The following PTPRM variants were observed in gnomAD, a reference collection of about 807,000 sequenced individuals.
PTPRM encodes the protein protein tyrosine phosphatase receptor type M, also known as receptor-type tyrosine-protein phosphatase mu.
A neutral mutation model predicts 186.7 loss-of-function variants in PTPRM; 47 were observed. The ratio of observed to expected loss-of-function variants is 0.25; its 90% CI spans 0.20 to 0.32. The LOEUF is 0.32. PTPRM is among the 10% of genes least tolerant of loss of function. PTPRM has a pLI of 1.00. For missense variants in PTPRM, 1,494 were observed against 1,865.0 expected, an observed-to-expected ratio of 0.80 and a Z score of 3.66; for synonymous variants, 668 against 674.9, an observed-to-expected ratio of 0.99 and a Z score of 0.16.
intron 7 of PTPRM, among the ~76,000 whole-genome samples, chr18:8,008,164 C>A (rs1198164583): frequency 6.6e-6 from 1 of 152,164 alleles, no homozygotes; most frequent in Non-Finnish European, 1.5e-5. Flanking sequence ...CCTGTGTAAT[C>A]AGATGCTAAT....
intron 31 of PTPRM, among the ~76,000 whole-genome samples, chr18:8,391,294 G>GA (rs1412945896): frequency 1.3e-5 from 2 of 152,180 alleles, no homozygotes; most frequent in African/African-American, 2.4e-5. Context: ...TCTACCAAAA[G>GA]ATAAGCTTAT....
intron 19 of PTPRM, among the ~76,000 whole-genome samples, chr18:8,277,189 G>A (rs1023083233): frequency 6.6e-6 from 1 of 151,936 alleles, no homozygotes; most frequent in Non-Finnish European, 1.5e-5. Context: ...CACCCATCTT[G>A]GCCTCCCAAA....
intron 9 of PTPRM, among the ~76,000 whole-genome samples, chr18:8,080,310 A>G (rs941684039): frequency 2.6e-5 from 4 of 152,204 alleles, no homozygotes; most frequent in Admixed American, 6.6e-5. Context: ...AACTTTACAT[A>G]TCTCTAGTGA....
chr18:8,261,257 G>T (rs866945655), intron 19 of PTPRM, among the ~76,000 whole-genome samples: 6 of 152,192 alleles, frequency 3.9e-5, no homozygotes, highest in South Asian at 2.1e-4. Flanking sequence ...GGAGCTGGGG[G>T]TGGGGAGGCA....
intron 2 of PTPRM, among the ~76,000 whole-genome samples, chr18:7,849,247 A>G (rs934460809): frequency 3.3e-5 from 5 of 152,196 alleles, no homozygotes; most frequent in African/African-American, 1.2e-4. Flanking sequence ...AAATGTCTCA[A>G]GTTTCATTGG....
intron 19 of PTPRM, among the ~76,000 whole-genome samples, chr18:8,272,262 T>G (rs1265151708): frequency 6.6e-6 from 1 of 151,604 alleles, no homozygotes; most frequent in African/African-American, 2.4e-5. Flanking sequence ...ATAGCTTTTG[T>G]GTTTGTTGAT....
chr18:7,748,899 A>C (rs1440531885), intron 1 of PTPRM, among the ~76,000 whole-genome samples: 1 of 152,192 alleles, frequency 6.6e-6, no homozygotes, highest in East Asian at 1.9e-4. Flanking sequence ...TGTTGACTAC[A>C]TGTCCTGAAA....
rs189021457 is a variant in PTPRM at position 7,894,574 on chromosome 18, A to C, written c.468+6197A>C. On this transcript the variant is annotated intron_variant, in intron 3 of 32. Transcript: ENST00000580170. ...GCACTCCAGCCTAGGGGGCAGAGCAAGACTCCGTCTCAGGAAAAATATATA... is the reference window on the plus strand; with the variant it reads ...GCACTCCAGCCTAGGGGGCAGAGCACGACTCCGTCTCAGGAAAAATATATA... 4.8e-3 allele frequency among the ~76,000 whole-genome samples: 733 copies of C among 152,160 alleles called. 4 individuals carry two copies. The highest frequency in any genetic ancestry group is 6.3e-3 in the Admixed American group (97 of 15,286).
chr18:7,982,378 G>A (rs1274292268), intron 7 of PTPRM, among the ~76,000 whole-genome samples: 3 of 149,700 alleles, frequency 2.0e-5, no homozygotes, highest in Non-Finnish European at 1.5e-5. Context: ...ATCACTGATA[G>A]CACTGGCCCC....
At chr18:8,334,687 G>A (rs2095429217) in intron 22 of PTPRM, among the ~76,000 whole-genome samples, 1 of 152,152 alleles carries the variant, frequency 6.6e-6, no homozygotes, top group African/African-American at 2.4e-5. Context: ...CCATCTTTTT[G>A]TTCACTGTTC....
At chr18:7,715,533 AG>A (rs1483888226) in intron 1 of PTPRM, among the ~76,000 whole-genome samples, 2 of 152,184 alleles carry the variant, frequency 1.3e-5, no homozygotes, top group Non-Finnish European at 2.9e-5. Flanking sequence ...AAAGAAATAA[AG>A]GGTATTCAAA....
intron 2 of PTPRM, among the ~76,000 whole-genome samples, chr18:7,867,898 T>G (rs1213567663): frequency 6.6e-6 from 1 of 152,226 alleles, no homozygotes; most frequent in Non-Finnish European, 1.5e-5. Flanking sequence ...TTGTTCCTTT[T>G]CATTGCTTTT....
intron 2 of PTPRM, among the ~76,000 whole-genome samples, chr18:7,810,809 A>G (rs1292003395): frequency 2.0e-5 from 3 of 152,216 alleles, no homozygotes; most frequent in Non-Finnish European, 4.4e-5. Context: ...GTTATTCTCC[A>G]TAGCATTATT....
intron 5 of PTPRM, among the ~76,000 whole-genome samples, chr18:7,936,773 C>T (rs2051842955): frequency 6.6e-6 from 1 of 152,152 alleles, no homozygotes; most frequent in Non-Finnish European, 1.5e-5. Flanking sequence ...CCACCCATGG[C>T]CACCCATGAA....
chr18:8,191,654 G>A (rs1025297098), intron 14 of PTPRM, among the ~76,000 whole-genome samples: 3 of 152,112 alleles, frequency 2.0e-5, no homozygotes, highest in Non-Finnish European at 2.9e-5. Context: ...CACCCAAGAA[G>A]GATAAACCCA....
chr18:7,666,642 G>T (rs1201397364), intron 1 of PTPRM, among the ~76,000 whole-genome samples: 1 of 152,184 alleles, frequency 6.6e-6, no homozygotes, highest in Non-Finnish European at 1.5e-5. Context: ...GATCTTTCCA[G>T]TTCTTAGTCA....
In PTPRM at chr18:8,406,517, C is replaced by A. The variant is rs2095907100; in HGVS notation, c.*355C>A. 1.8e-5 allele frequency: 4 copies of A among 219,886 alleles called. No homozygotes were observed. The South Asian group carries it at 3.7e-4, about 20-fold the overall frequency. 13.6% of individuals were successfully genotyped at this position (219,886 alleles called of 1,614,324 possible). On this transcript the variant is annotated 3_prime_UTR_variant, in exon 33 of 33. Transcript: ENST00000580170. Reference sequence around the variant, plus strand: ...TGGCCCGTGACCCTCGTTATTGTTACAGCTGAGTGTATGTTTTTGTTCTGT... The same window carrying A: ...TGGCCCGTGACCCTCGTTATTGTTAAAGCTGAGTGTATGTTTTTGTTCTGT...
rs189059867 is a variant in PTPRM at position 8,242,041 on chromosome 18, G to C, written c.2301-2017G>C. Among the ~76,000 whole-genome samples, 7 of 152,192 alleles carry C rather than the reference G, an allele frequency of 4.6e-5. No individual in the cohort carries two copies. The South Asian group carries it at 6.2e-4, about 14-fold the overall frequency. On this transcript the variant is annotated intron_variant, in intron 14 of 32. Transcript: ENST00000580170. ...TTCCAGTACAAGCATAGCTTTTATT[G>C]GCACATATATCCCTCCCAGCCAACC...
chr18:8,042,995 T>C (rs908694839), intron 7 of PTPRM, among the ~76,000 whole-genome samples: 5 of 152,166 alleles, frequency 3.3e-5, no homozygotes, highest in Admixed American at 6.5e-5. Flanking sequence ...TTATTGTGTC[T>C]GCTTCCCAGG....
Sources: allele counts gnomAD v4.1 joint callset (sites outside exome capture counted in the v4.1 genomes callset), GRCh38; gene constraint gnomAD v4.1.1; transcripts MANE v1.5; gene names NCBI Gene and HGNC (gene_info 2026-07-23, HGNC 2026-07-21).